The following PPP6C variants were observed in gnomAD, a reference collection of about 807,000 sequenced individuals.
PPP6C encodes the protein serine/threonine-protein phosphatase 6 catalytic subunit.
A neutral mutation model predicts 39.8 loss-of-function variants in PPP6C; 11 were observed. That is an observed-to-expected ratio of 0.28 (90% CI 0.17 to 0.46). The LOEUF (loss-of-function observed/expected upper bound fraction) is 0.46, where lower values mean the gene tolerates loss of function less well. Among genes scored for constraint, PPP6C ranks in the 20% least tolerant of loss-of-function variants. The probability of loss-of-function intolerance (pLI) is 1.00; values close to 1 mark genes in which losing one functional copy is unlikely to be tolerated. For synonymous variants in PPP6C, 129 were observed against 130.3 expected (o/e 0.99, Z 0.07); for missense variants, 211 against 373.9 (o/e 0.56, Z 3.59).
In PPP6C at chr9:125,189,742, A is replaced by ACAGCGG. The variant is rs772519360; in HGVS notation, c.-30_-25dup. On this transcript the variant is annotated 5_prime_UTR_variant, in exon 1 of 7. Transcript: ENST00000373547. ...ATTTTAAGAATAACAAGCCGCGGCA[A>ACAGCGG]CAGCGGCGGCGGCGGCTGTAGCAGC... The ACAGCGG allele has an allele frequency of 3.8e-5, 60 of 1,563,024 alleles. 1 individual carries two copies. In the South Asian group the frequency reaches 4.8e-4, roughly 12 times the overall value.
chr9:125,174,479 T>G (rs1445305611), intron 1 of PPP6C, among the ~76,000 whole-genome samples: 1 of 152,136 alleles, frequency 6.6e-6, no homozygotes, highest in Non-Finnish European at 1.5e-5. Flanking sequence ...CAAGATCTTC[T>G]TTTTGGCCTG....
intron 1 of PPP6C, among the ~76,000 whole-genome samples, chr9:125,179,215 C>CAAAA (rs150040909): frequency 7.8e-6 from 1 of 127,408 alleles, no homozygotes; most frequent in Non-Finnish European, 1.6e-5. Flanking sequence ...AACTCCATCT[C>CAAAA]AAAAAAAAAA....
chr9:125,168,854 G>A (rs1194698915), intron 2 of PPP6C, among the ~76,000 whole-genome samples: 5 of 148,352 alleles, frequency 3.4e-5, no homozygotes, highest in Admixed American at 1.4e-4. Flanking sequence ...TCTGCCTCCC[G>A]GGTTCTAGCG....
chr9:125,167,749 G>A (rs1360727983), intron 2 of PPP6C, among the ~76,000 whole-genome samples: 17 of 147,982 alleles, frequency 1.1e-4, no homozygotes, highest in South Asian at 2.2e-4. Flanking sequence ...GTCTCAGGCC[G>A]GACGCAGTGG....
At chr9:125,187,947 T>G (rs1829566385) in intron 1 of PPP6C, among the ~76,000 whole-genome samples, 1 of 152,024 alleles carries the variant, frequency 6.6e-6, no homozygotes, top group Admixed American at 6.5e-5. Flanking sequence ...CACATAAAAT[T>G]AACAGGTAAG....
At chr9:125,162,969 C>T (rs186701687) in intron 2 of PPP6C, among the ~76,000 whole-genome samples, 2,282 of 151,746 alleles carry the variant, frequency 0.015, 107 homozygotes, top group Admixed American at 0.082. Flanking sequence ...TCCCAGCTAC[C>T]TCAGGAGGCT....
chr9:125,155,904 C>CAAAAAAAAAAA (rs1231626756), intron 4 of PPP6C, among the ~76,000 whole-genome samples: 2 of 61,456 alleles, frequency 3.3e-5, no homozygotes, highest in African/African-American at 1.2e-4. Flanking sequence ...GACTCCGTCT[C>CAAAAAAAAAAA]AAAAAAAAAA....
intron 1 of PPP6C, among the ~76,000 whole-genome samples, chr9:125,178,977 G>A (rs891051870): frequency 6.6e-6 from 1 of 152,158 alleles, no homozygotes; most frequent in Non-Finnish European, 1.5e-5. Context: ...CACTTTGGGA[G>A]GCCGAGGAGG....
Position 125,147,773 on chromosome 9 carries a change from A to AT in PPP6C, c.*1899_*1900insA. The AT allele has an allele frequency of 1.3e-5, 2 of 151,636 alleles. No individual in the cohort carries two copies. The highest frequency in any genetic ancestry group is 4.9e-5 in the African/African-American group (2 of 41,192). The allele number at this position is 151,636 out of a possible 1,614,324, so 9.4% of individuals were successfully genotyped here. On this transcript the variant is annotated 3_prime_UTR_variant, in exon 7 of 7. Transcript: ENST00000373547. ...GGTTCTATTAGTACAACTTAAGTGG[A>AT]AAGCAAGCACTTAAATACAATTTAT...
chr9:125,170,905 C>A (rs1470752185), intron 2 of PPP6C, among the ~76,000 whole-genome samples, 180 bp downstream of exon 2: 1 of 152,192 alleles, frequency 6.6e-6, no homozygotes, highest in Non-Finnish European at 1.5e-5. Context: ...AATTTGACCA[C>A]TGCTTTTATT....
intron 6 of PPP6C, chr9:125,151,515 T>C: frequency 1.3e-6 from 1 of 798,382 alleles, no homozygotes; most frequent in East Asian, 2.4e-5. Flanking sequence ...AACATCTCTA[T>C]GAGCCTTGCA....
At chr9:125,165,340 A>G (rs1357625582) in intron 2 of PPP6C, among the ~76,000 whole-genome samples, 4 of 152,150 alleles carry the variant, frequency 2.6e-5, no homozygotes, top group African/African-American at 9.7e-5. Context: ...CAGAGGTTGC[A>G]GTGAGCTGAG....
intron 6 of PPP6C, among the ~76,000 whole-genome samples, chr9:125,152,037 C>G (rs1037121228): frequency 2.0e-5 from 3 of 152,054 alleles, no homozygotes; most frequent in African/African-American, 7.2e-5. Flanking sequence ...CCTGGGCAAC[C>G]CCAAACCTAG....
intron 3 of PPP6C, 33 bp downstream of exon 3, chr9:125,160,808 A>G: frequency 6.9e-7 from 1 of 1,449,892 alleles, no homozygotes. Context: ...TTCCATTTTA[A>G]ACAAGCACTT....
At chr9:125,150,219 T>C (rs986279391) in intron 6 of PPP6C, among the ~76,000 whole-genome samples, 1 of 152,190 alleles carries the variant, frequency 6.6e-6, no homozygotes, top group Non-Finnish European at 1.5e-5. Flanking sequence ...AATAAAGATA[T>C]TGCTATCAGT....
At chr9:125,151,231 C>T in intron 6 of PPP6C, 1 of 1,509,094 alleles carries the variant, frequency 6.6e-7, no homozygotes, top group Non-Finnish European at 9.2e-7. Flanking sequence ...CAAAGAAGGC[C>T]AATGAAGTCG....
At chr9:125,157,223 C>T (rs1328698921) in intron 4 of PPP6C, among the ~76,000 whole-genome samples, 4 of 149,156 alleles carry the variant, frequency 2.7e-5, no homozygotes, top group African/African-American at 7.4e-5. Flanking sequence ...TCAGGTGATC[C>T]GCCCGCCTCG....
intron 3 of PPP6C, among the ~76,000 whole-genome samples, chr9:125,158,665 CT>C (rs973245979): frequency 1.3e-5 from 2 of 148,884 alleles, no homozygotes; most frequent in Non-Finnish European, 1.5e-5. Flanking sequence ...ATTTTTTTTT[CT>C]TTTTTTTCTT....
rs576852231 is a variant in PPP6C, at chr9:125,189,595, C to T, written c.75+49G>A. On this transcript the variant is annotated intron_variant, in intron 1 of 6. Coordinates refer to ENST00000373547, the MANE Select transcript of PPP6C (RefSeq NM_002721.5). ...GGTCCTGGAGAAAGGAAGGGCCGGC[C>T]GGCGGGCGCCCCACAGCCGGAAGGG... 81 of 1,609,304 alleles carry T rather than the reference C, an allele frequency of 5.0e-5. No homozygotes were observed. In the African/African-American group the frequency reaches 9.8e-4, roughly 19 times the overall value.
Sources: gnomAD v4.1 joint callset for allele counts (sites outside exome capture counted in the v4.1 genomes callset) on GRCh38, gnomAD v4.1.1 for gene constraint, MANE v1.5 for transcripts, NCBI Gene and HGNC (gene_info 2026-07-23, HGNC 2026-07-21) for gene names.